Variants in UNC13B observed in about 807,000 individuals in gnomAD.
The protein encoded by UNC13B is protein unc-13 homolog B.
UNC13B carries 144 observed loss-of-function variants against 211.0 expected under a neutral mutation model. That is an observed-to-expected ratio of 0.68 (90% confidence interval 0.60 to 0.78). The LOEUF (loss-of-function observed/expected upper bound fraction) is 0.78. Among genes scored for constraint, UNC13B ranks in the 30% least tolerant of loss-of-function variants. The pLI is 0.00. For missense variants in UNC13B, 1,777 were observed against 2,002.0 expected, an observed-to-expected ratio of 0.89 and a Z score of 2.14; for synonymous variants, 709 against 725.8, an observed-to-expected ratio of 0.98 and a Z score of 0.37.
intron 11 of UNC13B, among the ~76,000 whole-genome samples, chr9:35,340,323 A>G (rs1226877850): frequency 6.6e-6 from 1 of 152,166 alleles, no homozygotes; most frequent in Non-Finnish European, 1.5e-5. Context: ...ATCTCTTGGA[A>G]TCTAAATTTT....
At chr9:35,220,146 T>C (rs1824493772) in intron 1 of UNC13B, among the ~76,000 whole-genome samples, 1 of 152,004 alleles carries the variant, frequency 6.6e-6, no homozygotes, top group African/African-American at 2.4e-5. Context: ...TTTTGTATTC[T>C]TTAATTTTTA....
At chr9:35,314,874 CTTTTTTTTTTTTTTT>C (rs765803997) in intron 11 of UNC13B, among the ~76,000 whole-genome samples, 6 of 57,760 alleles carry the variant, frequency 1.0e-4, no homozygotes, top group Admixed American at 1.0e-3. Flanking sequence ...GATTCCGTAT[CTTTTTTTTTTTTTTT>C]TTTTTTTTTT....
At position 35,247,934 on chromosome 9, in the gene UNC13B, A is replaced by G. The variant is rs564238602; in HGVS notation, c.468+4570A>G. 5.8e-4 allele frequency among the ~76,000 whole-genome samples: 88 copies of G among 152,290 alleles called. No individual in the cohort carries two copies. In the Middle Eastern group the frequency reaches 0.024, roughly 41 times the overall value. ...GAATAGTTTCAGAAGGAATGGTACC[A>G]GCTCCTCCTTGTACCTCTGGTAGAA... On this transcript the variant is annotated intron_variant, in intron 6 of 39. Coordinates refer to ENST00000635942, the MANE Select transcript of UNC13B (RefSeq NM_001371189.2).
At chr9:35,320,244 A>T (rs923349163) in intron 11 of UNC13B, among the ~76,000 whole-genome samples, 1 of 152,100 alleles carries the variant, frequency 6.6e-6, no homozygotes, top group African/African-American at 2.4e-5. Flanking sequence ...TTTTCTTTTC[A>T]TTATATACCC....
At chr9:35,250,218 A>T (rs1400844036) in intron 6 of UNC13B, among the ~76,000 whole-genome samples, 1 of 152,210 alleles carries the variant, frequency 6.6e-6, no homozygotes, top group Non-Finnish European at 1.5e-5. Context: ...AAAGCTTACA[A>T]TTCAGTGGCT....
intron 1 of UNC13B, among the ~76,000 whole-genome samples, chr9:35,224,553 T>C (rs1409266407): frequency 6.6e-6 from 1 of 152,172 alleles, no homozygotes; most frequent in Non-Finnish European, 1.5e-5. Context: ...GGTTTTTCTA[T>C]ATATAAGATC....
At chr9:35,399,135 G>T in intron 33 of UNC13B, 26 bp from the exon 34 acceptor site, 1 of 1,614,168 alleles carries the variant, frequency 6.2e-7, no homozygotes, top group Non-Finnish European at 8.5e-7. Flanking sequence ...TCTCACCCTG[G>T]TCTCACCTGT....
At chr9:35,225,562 G>A (rs1186522863) in intron 1 of UNC13B, among the ~76,000 whole-genome samples, 2 of 151,706 alleles carry the variant, frequency 1.3e-5, no homozygotes, top group African/African-American at 4.8e-5. Context: ...TTCTGTAGAT[G>A]TATCTATATT....
At chr9:35,201,865 TC>T (rs1823319980) in intron 1 of UNC13B, among the ~76,000 whole-genome samples, 1 of 152,204 alleles carries the variant, frequency 6.6e-6, no homozygotes, top group Non-Finnish European at 1.5e-5. Context: ...CTTAGTTATT[TC>T]TTGCCTTCTG....
intron 7 of UNC13B, among the ~76,000 whole-genome samples, chr9:35,273,441 C>T (rs1186063026): frequency 2.0e-5 from 3 of 152,170 alleles, no homozygotes; most frequent in Non-Finnish European, 4.4e-5. Context: ...TCAATGCTTT[C>T]CACTAGTTTT....
chr9:35,345,945 T>C (rs994290074), intron 11 of UNC13B, among the ~76,000 whole-genome samples: 4 of 152,214 alleles, frequency 2.6e-5, no homozygotes, highest in Non-Finnish European at 4.4e-5. Flanking sequence ...ATGTCTAGCT[T>C]CTGGCCTATA....
At chr9:35,363,991 T>A (rs1833602210) in intron 11 of UNC13B, among the ~76,000 whole-genome samples, 1 of 152,142 alleles carries the variant, frequency 6.6e-6, no homozygotes, top group Non-Finnish European at 1.5e-5. Context: ...CCTACCCTGG[T>A]CCAACTTAAT....
Position 35,310,595 on chromosome 9 carries a change from A to G in UNC13B, c.9137A>G (p.His3046Arg), listed in dbSNP as rs757283180. Reference protein sequence around the residue: ...HRETDSIHSCHSSHSLSRDGQ... With the variant: ...HRETDSIHSCRSSHSLSRDGQ... ...GAGACGGACTCGATTCATTCTTGCC[A>G]CAGCTCTCACAGCCTGTCCAGAGAT... Residue 3046 changes from histidine (H) to arginine (R), a missense_variant, in exon 10 of 40, where the codon CAC (histidine) becomes CGC (arginine). Transcript: ENST00000635942. 3.1e-5 allele frequency: 50 copies of G among 1,613,906 alleles called. No individual in the cohort carries two copies. In the Middle Eastern group the frequency reaches 6.6e-4, roughly 21 times the overall value.
At chr9:35,230,988 G>A (rs756900121) in intron 2 of UNC13B, 132 bp from the exon 3 acceptor site, 4 of 598,074 alleles carry the variant, frequency 6.7e-6, no homozygotes, top group Non-Finnish European at 1.2e-5. Context: ...AGGCTATGTT[G>A]TACAATATAG....
intron 7 of UNC13B, among the ~76,000 whole-genome samples, chr9:35,284,476 A>G (rs1377361694): frequency 3.8e-4 from 58 of 152,322 alleles, no homozygotes; most frequent in African/African-American, 2.4e-5. Flanking sequence ...TTAATAAATC[A>G]TCTTTGCCTT....
rs1829322409 is a variant in UNC13B at position 35,295,761 on chromosome 9, A to T, written c.592A>T (p.Ser198Cys). 2 of 1,614,026 alleles carry T rather than the reference A, an allele frequency of 1.2e-6. No individual in the cohort carries two copies. Among genetic ancestry groups the T allele is most frequent in the Non-Finnish European group, 1.7e-6 (2 of 1,179,986 alleles). Reference sequence around the variant, plus strand: ...TGACTATCGCAGTGAGACCAGCAACAGCTTCCCACCTCCTTACCATACAGC... The same window carrying T: ...TGACTATCGCAGTGAGACCAGCAACTGCTTCCCACCTCCTTACCATACAGC... ...DSDYRSETSNSFPPPYHTASQ... is the reference protein window; with the variant it reads ...DSDYRSETSNCFPPPYHTASQ... The change falls in exon 8 of 40, where the codon AGC becomes TGC. Residue 198 changes from serine (S) to cysteine (C), a missense_variant. Physicochemically the swap from Ser to Cys is moderately radical, Grantham distance 112 (BLOSUM62 -1). Transcript: ENST00000635942.
Position 35,370,310 on chromosome 9 carries a change from C to T in UNC13B, c.9462-8C>T. The stretch of plus-strand genomic sequence containing the variant: ...TGACGGTCCTGACATATTTTCTTCT[C>T]TCCTCAGGCCAGCCGGAGGGCTCTA... On this transcript the variant is annotated splice_region_variant and splice_polypyrimidine_tract_variant and intron_variant, in intron 12 of 39. Coordinates refer to ENST00000635942, the MANE Select transcript of UNC13B (RefSeq NM_001371189.2). The T allele has an allele frequency of 6.2e-7, 1 of 1,613,392 alleles. No individual in the cohort carries two copies. Among genetic ancestry groups the T allele is most frequent in the Non-Finnish European group, 8.5e-7 (1 of 1,179,646 alleles).
In UNC13B at chr9:35,377,653, C is replaced by G; in HGVS notation, c.10021C>G (p.Leu3341Val). ...GATGAAAACAGTGAAGCAGAGTGTACTGGATGGCACCTCCAAATGGTCAGC... is the reference window on the plus strand; with the variant it reads ...GATGAAAACAGTGAAGCAGAGTGTAGTGGATGGCACCTCCAAATGGTCAGC... ...QQMKTVKQSV[L>V]DGTSKWSAKI... Residue 3341 changes from leucine to valine, a missense_variant, in exon 16 of 40, where the codon CTG (leucine) becomes GTG (valine). Coordinates refer to ENST00000635942, the MANE Select transcript of UNC13B (RefSeq NM_001371189.2). 6.2e-7 allele frequency: 1 copy of G among 1,614,164 alleles called. No individual in the cohort carries two copies. The highest frequency in any genetic ancestry group is 8.5e-7 in the Non-Finnish European group (1 of 1,180,044).
At chr9:35,187,230 T>C (rs1471956067) in intron 1 of UNC13B, among the ~76,000 whole-genome samples, 1 of 152,192 alleles carries the variant, frequency 6.6e-6, no homozygotes, top group African/African-American at 2.4e-5. Context: ...GTTTCTTGGT[T>C]TTATTTTCCC....
Sources: gnomAD v4.1 joint callset for allele counts (sites outside exome capture counted in the v4.1 genomes callset) on GRCh38, gnomAD v4.1.1 for gene constraint, MANE v1.5 for transcripts, NCBI Gene and HGNC (gene_info 2026-07-23, HGNC 2026-07-21) for gene names.